CEP57L1: variants seen among roughly 807,000 people sequenced by gnomAD.
CEP57L1 encodes centrosomal protein 57 like 1.
A neutral mutation model predicts 61.0 loss-of-function variants in CEP57L1; 37 were observed. The ratio of observed to expected loss-of-function variants is 0.61; its 90% CI spans 0.47 to 0.80. The LOEUF (loss-of-function observed/expected upper bound fraction) is 0.80. Among genes scored for constraint, CEP57L1 ranks in the 30% least tolerant of loss-of-function variants. CEP57L1 has a pLI of 0.00. For synonymous variants in CEP57L1, 137 were observed against 162.3 expected, an observed-to-expected ratio of 0.84 and a Z score of 1.19; for missense variants, 422 against 524.7, an observed-to-expected ratio of 0.80 and a Z score of 1.91.
intron 1 of CEP57L1, among the ~76,000 whole-genome samples, chr6:109,102,125 T>G (rs1386962619): frequency 6.6e-6 from 1 of 152,248 alleles, no homozygotes; most frequent in Non-Finnish European, 1.5e-5. Context: ...TACGCCTATT[T>G]GCTGCCTGTG....
rs1397241550 is a variant in CEP57L1, at chr6:109,168,787, G to A, written c.*5817G>A. ...ATTTTTTGTATTTTAGTAGAGATGGGGTTTCACTGTATTGCCCAGGCTGGT... is the reference window on the plus strand; with the variant it reads ...ATTTTTTGTATTTTAGTAGAGATGGAGTTTCACTGTATTGCCCAGGCTGGT... On this transcript the variant is annotated 3_prime_UTR_variant, in exon 11 of 11. Transcript: ENST00000517392. Among the ~76,000 whole-genome samples, 1 of 150,918 alleles carries A rather than the reference G, an allele frequency of 6.6e-6. No individual in the cohort carries two copies. Among genetic ancestry groups the A allele is most frequent in the African/African-American group, 2.4e-5 (1 of 41,198 alleles).
At chr6:109,146,404 T>A (rs1771962686) in intron 2 of CEP57L1, among the ~76,000 whole-genome samples, 1 of 151,962 alleles carries the variant, frequency 6.6e-6, no homozygotes, top group Non-Finnish European at 1.5e-5. Flanking sequence ...AGAAATTATA[T>A]TTTAATGTTC....
At position 109,166,346 on chromosome 6, in the gene CEP57L1, C is replaced by CT. The variant is rs774650742; in HGVS notation, c.*3379dup. On this transcript the variant is annotated 3_prime_UTR_variant, in exon 11 of 11. Coordinates refer to ENST00000517392, the MANE Select transcript of CEP57L1 (RefSeq NM_001271852.3). ...CCAGTAGATGTGAGAGCTTTTCTTA[C>CT]TTTAAAAGTGTAATTTTAACTATAA... is the stretch of plus-strand genomic sequence containing the variant. 4.6e-4 allele frequency among the ~76,000 whole-genome samples: 68 copies of CT among 148,484 alleles called. 1 individual carries two copies. The highest frequency in any genetic ancestry group is 8.9e-4 in the Non-Finnish European group (60 of 67,198).
chr6:109,164,848 G>A lies in CEP57L1; in HGVS notation c.*1878G>A, dbSNP rs1239988506. On this transcript the variant is annotated 3_prime_UTR_variant, in exon 11 of 11. Coordinates refer to ENST00000517392, the MANE Select transcript of CEP57L1 (RefSeq NM_001271852.3). ...TATAATCCCAGCACTTTGGGAGGCCGAGGCAGGCAGATCACGAGGTCAGGA... is the reference window on the plus strand; with the variant it reads ...TATAATCCCAGCACTTTGGGAGGCCAAGGCAGGCAGATCACGAGGTCAGGA... Among the ~76,000 whole-genome samples the A allele has an allele frequency of 2.6e-5, 4 of 152,204 alleles. No individual in the cohort carries two copies. Among genetic ancestry groups the A allele is most frequent in the Admixed American group, 1.3e-4 (2 of 15,288 alleles).
intron 1 of CEP57L1, among the ~76,000 whole-genome samples, chr6:109,096,107 C>G (rs1781674463): frequency 6.6e-6 from 1 of 152,132 alleles, no homozygotes; most frequent in Admixed American, 6.5e-5. Context: ...GTCTCCAAAA[C>G]TTAGTCGACT....
intron 1 of CEP57L1, among the ~76,000 whole-genome samples, chr6:109,136,700 TTTTTATTTTA>T (rs557844549): frequency 0.056 from 6,517 of 115,700 alleles, 170 homozygotes; most frequent in South Asian, 0.094. Context: ...GAAACTTGTA[TTTTTATTTTA>T]TTTTATTTTA....
In CEP57L1 at chr6:109,169,247, A is replaced by AAAAAAAT. The variant is rs1774293177; in HGVS notation, c.*6277_*6278insAAAAAAT. On this transcript the variant is annotated 3_prime_UTR_variant, in exon 11 of 11. Transcript: ENST00000517392. ...TCAGCAAAAAAAAAAAAAAAAAAAA[A>AAAAAAAT]GATCAGAGTGCATCACACATAATTA... Among the ~76,000 whole-genome samples the AAAAAAAT allele has an allele frequency of 6.6e-6, 1 of 151,168 alleles. No individual in the cohort carries two copies. Among genetic ancestry groups the AAAAAAAT allele is most frequent in the Non-Finnish European group, 1.5e-5 (1 of 67,820 alleles).
At chr6:109,106,697 G>A (rs1356607783) in intron 1 of CEP57L1, among the ~76,000 whole-genome samples, 1 of 152,136 alleles carries the variant, frequency 6.6e-6, no homozygotes, top group African/African-American at 2.4e-5. Flanking sequence ...GGGAGGCTGA[G>A]GCTGGTGGAT....
chr6:109,159,201 G>A (rs1773499591), intron 8 of CEP57L1, 68 bp from the exon 9 acceptor site: 1 of 1,613,500 alleles, frequency 6.2e-7, no homozygotes, highest in Admixed American at 1.7e-5. Flanking sequence ...ATTCTCAGTT[G>A]TTTCTTTTCC....
chr6:109,126,626 A>T (rs954656664), intron 1 of CEP57L1, among the ~76,000 whole-genome samples: 1 of 152,170 alleles, frequency 6.6e-6, no homozygotes, highest in South Asian at 2.1e-4. Flanking sequence ...TGGGGAGTCT[A>T]ATCATTTAAG....
rs117205065 is a variant in CEP57L1, at chr6:109,098,259, G to A, written c.-4+2684G>A. 4.9e-4 allele frequency among the ~76,000 whole-genome samples: 74 copies of A among 151,674 alleles called. 1 individual carries two copies. The East Asian group carries it at 9.0e-3, about 18-fold the overall frequency. On this transcript the variant is annotated intron_variant, in intron 1 of 10. Coordinates refer to ENST00000517392, the MANE Select transcript of CEP57L1 (RefSeq NM_001271852.3). ...ACCTCCCAAGTTTAAGTGATTCTTC[G>A]TCCTCGGCCTCCCAAGTAGCTGGGA...
chr6:109,150,051 C>G, intron 3 of CEP57L1, 67 bp from the exon 4 acceptor site: 2 of 935,746 alleles, frequency 2.1e-6, no homozygotes, highest in South Asian at 2.8e-5. Context: ...GATATACAAT[C>G]ATGTCATCTG....
intron 1 of CEP57L1, among the ~76,000 whole-genome samples, chr6:109,107,919 C>T (rs535822801): frequency 2.0e-5 from 3 of 151,562 alleles, no homozygotes; most frequent in East Asian, 1.9e-4. Context: ...GCAGCTTGGG[C>T]GACACAGAGA....
rs766178774 is a variant in CEP57L1, at chr6:109,155,796, A to G, written c.663A>G (p.Gln221=). ...CTTTTTTTTAAATATTACAGCTTCAAACTGGACTTGAAATCAGTAAAATTA... is the reference window on the plus strand; with the variant it reads ...CTTTTTTTTAAATATTACAGCTTCAGACTGGACTTGAAATCAGTAAAATTA... ...KLFQDKASEL[Q]TGLEISKIIM... is the part of the protein sequence containing the mutation. Residue 221 remains glutamine, a synonymous_variant, in exon 7 of 11, where the codon CAA becomes CAG. Coordinates refer to ENST00000517392, the MANE Select transcript of CEP57L1 (RefSeq NM_001271852.3). 6.6e-7 allele frequency: 1 copy of G among 1,524,350 alleles called. No homozygotes were observed. Among genetic ancestry groups the G allele is most frequent in the South Asian group, 1.2e-5 (1 of 85,938 alleles). The allele number at this position is 1,524,350 out of a possible 1,614,324, so 94.4% of individuals were successfully genotyped here. A position where few individuals can be genotyped will look rare whatever the true frequency, so the allele number is the denominator to read the frequency against.
chr6:109,119,098 A>G (rs1278139759), intron 1 of CEP57L1, among the ~76,000 whole-genome samples: 2 of 152,202 alleles, frequency 1.3e-5, no homozygotes, highest in Non-Finnish European at 1.5e-5. Flanking sequence ...ATATTTCTGG[A>G]AGAGAGAACA....
chr6:109,097,918 C>T (rs569929636), intron 1 of CEP57L1, among the ~76,000 whole-genome samples: 2 of 152,204 alleles, frequency 1.3e-5, no homozygotes, highest in African/African-American at 2.4e-5. Flanking sequence ...AGCCTGAGTG[C>T]GCATTTGAGA....
At chr6:109,116,371 T>G (rs1206127101) in intron 1 of CEP57L1, among the ~76,000 whole-genome samples, 1 of 152,116 alleles carries the variant, frequency 6.6e-6, no homozygotes, top group East Asian at 1.9e-4. Flanking sequence ...GAGAGGTGGT[T>G]TCTCCATGTT....
chr6:109,150,932 A>T (rs1772547863), intron 4 of CEP57L1, among the ~76,000 whole-genome samples: 1 of 152,186 alleles, frequency 6.6e-6, no homozygotes, highest in Admixed American at 6.5e-5. Flanking sequence ...GAGAACACTA[A>T]AGGACATCAG....
intron 2 of CEP57L1, among the ~76,000 whole-genome samples, 192 bp from the exon 3 acceptor site, chr6:109,146,566 G>A (rs962453137): frequency 1.2e-4 from 18 of 151,850 alleles, no homozygotes; most frequent in African/African-American, 3.9e-4. Flanking sequence ...GTTTTTACAA[G>A]ATATATTAGA....
Sources: allele counts gnomAD v4.1 joint callset (sites outside exome capture counted in the v4.1 genomes callset), GRCh38; gene constraint gnomAD v4.1.1; transcripts MANE v1.5; gene names NCBI Gene and HGNC (gene_info 2026-07-23, HGNC 2026-07-21).